EXOC6: variants seen among roughly 807,000 people sequenced by gnomAD.
EXOC6 encodes exocyst complex component 6, also known as SEC15-like 1.
In EXOC6, 60 loss-of-function variants were observed where a neutral mutation model predicts 112.5. The observed-to-expected ratio is 0.53, with a 90% CI of 0.43 to 0.66. The LOEUF (loss-of-function observed/expected upper bound fraction) is 0.66. Ranked by LOEUF, EXOC6 falls within the 30% of genes least tolerant of loss-of-function variation. The pLI is 0.00. For synonymous variants in EXOC6, 295 were observed against 308.0 expected (o/e 0.96, Z 0.44); for missense variants, 855 against 957.1 (o/e 0.89, Z 1.41).
rs554013208 is a variant in EXOC6 at position 92,835,160 on chromosome 10, G to A, written c.86+336G>A. Among the ~76,000 whole-genome samples, 3 of 152,230 alleles carry A rather than the reference G, an allele frequency of 2.0e-5. No individual in the cohort carries two copies. The South Asian group carries it at 6.2e-4, about 32-fold the overall frequency. ...TAGTGAAAAACATTCAGAACAATTA[G>A]ACATATCAATGAAGCCAATTTACAT... On this transcript the variant is annotated intron_variant, in intron 1 of 21. Coordinates refer to the EXOC6 transcript ENST00000371552.
At chr10:92,985,243 CTTCAG>C (rs1427170816) in intron 18 of EXOC6, among the ~76,000 whole-genome samples, 1 of 152,036 alleles carries the variant, frequency 6.6e-6, no homozygotes, top group Non-Finnish European at 1.5e-5. Flanking sequence ...TTTCAGAAAT[CTTCAG>C]TTATTTTCCC....
At chr10:93,017,386 A>G (rs886144792) in intron 20 of EXOC6, among the ~76,000 whole-genome samples, 1 of 149,410 alleles carries the variant, frequency 6.7e-6, no homozygotes, top group Non-Finnish European at 1.5e-5. Context: ...GTCAGGAGAT[A>G]GAAACCATCC....
In EXOC6 at chr10:93,013,836, A is replaced by G. The variant is rs1461648907; in HGVS notation, c.2096-358A>G. ...ATATGTTGACAGCCATGGAATTGGTATCATTTTTAAATGCTTCTACAATCG... is the reference window on the plus strand; with the variant it reads ...ATATGTTGACAGCCATGGAATTGGTGTCATTTTTAAATGCTTCTACAATCG... On this transcript the variant is annotated intron_variant, in intron 19 of 21. Transcript: ENST00000260762. Among the ~76,000 whole-genome samples the G allele has an allele frequency of 2.6e-5, 4 of 152,208 alleles. No individual in the cohort carries two copies. In the South Asian group the frequency reaches 6.2e-4, roughly 24 times the overall value.
intron 18 of EXOC6, among the ~76,000 whole-genome samples, chr10:92,977,043 C>T (rs770271726): frequency 2.8e-4 from 42 of 152,180 alleles, no homozygotes; most frequent in Non-Finnish European, 5.1e-4. Context: ...ACCTTTTTAT[C>T]TTATGATACG....
At chr10:92,979,679 C>G (rs1452604297) in intron 18 of EXOC6, among the ~76,000 whole-genome samples, 1 of 151,988 alleles carries the variant, frequency 6.6e-6, no homozygotes, top group Non-Finnish European at 1.5e-5. Context: ...CTGGTAATCC[C>G]AACACTTTGG....
chr10:92,951,834 ATCAAGCCT>A (rs1275758343), intron 14 of EXOC6, among the ~76,000 whole-genome samples: 1 of 152,218 alleles, frequency 6.6e-6, no homozygotes, highest in Non-Finnish European at 1.5e-5. Context: ...TTGAATTGGC[ATCAAGCCT>A]TCACTGAAGG....
chr10:93,038,003 GCACTC>G (rs1470208588), intron 20 of EXOC6, among the ~76,000 whole-genome samples: 2 of 130,774 alleles, frequency 1.5e-5, no homozygotes, highest in Non-Finnish European at 3.1e-5. Flanking sequence ...TCGCGCCACT[GCACTC>G]CAGCCTGGGC....
At position 93,018,895 on chromosome 10, in the gene EXOC6, T is replaced by C. The variant is rs577223545; in HGVS notation, c.2169+4628T>C. 3.4e-4 allele frequency among the ~76,000 whole-genome samples: 51 copies of C among 151,928 alleles called. 1 individual carries two copies. In the East Asian group the frequency reaches 9.6e-3, roughly 29 times the overall value. ...AAATAAAAGACCCTGACAAATGCTC[T>C]TACATACAGGTGTCTGGTGACTTTG... On this transcript the variant is annotated intron_variant, in intron 20 of 21. Transcript: ENST00000260762.
Position 92,841,015 on chromosome 10 carries a change from T to C in EXOC6, c.86+6191T>C, listed in dbSNP as rs183810736. ...CTGTTTACAGTGTAGAATGATTAAA[T>C]CAAGCTAATTATTATATCTATCACC... is the stretch of plus-strand genomic sequence containing the variant. On this transcript the variant is annotated intron_variant, in intron 1 of 21. Transcript: ENST00000371552. Among the ~76,000 whole-genome samples, 279 of 152,314 alleles carry C rather than the reference T, an allele frequency of 1.8e-3. 2 individuals are homozygous for C. Among genetic ancestry groups the C allele is most frequent in the Admixed American group, 3.7e-3 (57 of 15,292 alleles).
At chr10:92,917,158 G>T (rs1851136231) in intron 7 of EXOC6, among the ~76,000 whole-genome samples, 1 of 151,812 alleles carries the variant, frequency 6.6e-6, no homozygotes, top group East Asian at 1.9e-4. Context: ...TTAGAGACGG[G>T]GTTTCACCAT....
intron 20 of EXOC6, among the ~76,000 whole-genome samples, chr10:93,037,507 T>G (rs182277655): frequency 5.3e-4 from 80 of 150,984 alleles, no homozygotes; most frequent in Non-Finnish European, 7.1e-4. Context: ...TGGTGTGATC[T>G]CAGTTCACTG....
Position 93,017,789 on chromosome 10 carries a change from A to T in EXOC6, c.2169+3522A>T, listed in dbSNP as rs1844600042. Among the ~76,000 whole-genome samples the T allele has an allele frequency of 2.0e-5, 3 of 152,262 alleles. No individual in the cohort carries two copies. The South Asian group carries it at 6.2e-4, about 32-fold the overall frequency. ...CACTTTGGGAGGCTGAGGTGGGCGG[A>T]TCATGAGGTCAGAAGGTCGAGACCG... is the stretch of plus-strand genomic sequence containing the variant. On this transcript the variant is annotated intron_variant, in intron 20 of 21. Coordinates refer to ENST00000260762, the MANE Select transcript of EXOC6 (RefSeq NM_019053.6).
rs1382074464 is a variant in EXOC6, at chr10:93,059,324, T to C, written c.*969T>C. The C allele has an allele frequency of 6.6e-6, 1 of 152,218 alleles. No individual in the cohort carries two copies. Among genetic ancestry groups the C allele is most frequent in the Non-Finnish European group, 1.5e-5 (1 of 68,036 alleles). The allele number at this position is 152,218 out of a possible 1,614,324, so 9.4% of individuals were successfully genotyped here. On this transcript the variant is annotated 3_prime_UTR_variant, in exon 22 of 22. Coordinates refer to ENST00000260762, the MANE Select transcript of EXOC6 (RefSeq NM_019053.6). ...GGTCCAAATGGCAATATAAATCCAG[T>C]CTTTATTCTCCCTTTGTTGTATTTA...
At chr10:92,948,536 G>A (rs1853175052) in intron 14 of EXOC6, among the ~76,000 whole-genome samples, 157 bp downstream of exon 14, 1 of 150,134 alleles carries the variant, frequency 6.7e-6, no homozygotes, top group East Asian at 1.9e-4. Flanking sequence ...GTTCTGTGAA[G>A]TTTTAAAGAG....
At chr10:92,828,051 G>T (rs1434040198) in intron 1 of EXOC6, among the ~76,000 whole-genome samples, 1 of 152,124 alleles carries the variant, frequency 6.6e-6, no homozygotes. Context: ...TTTCCTACCT[G>T]TTGCTAGTAT....
chr10:92,966,923 T>C (rs1374883326), intron 17 of EXOC6, among the ~76,000 whole-genome samples: 4 of 122,390 alleles, frequency 3.3e-5, no homozygotes, highest in Non-Finnish European at 6.6e-5. Context: ...AAAGTGTTCC[T>C]GTTTCTCCAC....
intron 1 of EXOC6, among the ~76,000 whole-genome samples, chr10:92,882,238 G>A (rs761860964): frequency 1.1e-4 from 16 of 151,988 alleles, no homozygotes; most frequent in Non-Finnish European, 2.2e-4. Flanking sequence ...CAAACCTTTT[G>A]TGCATTTAAG....
chr10:92,939,759 A>G (rs1363332894), intron 12 of EXOC6, among the ~76,000 whole-genome samples: 1 of 152,154 alleles, frequency 6.6e-6, no homozygotes, highest in Non-Finnish European at 1.5e-5. Flanking sequence ...AGGATTGTTC[A>G]TAGATGGAGA....
At chr10:92,939,459 A>G (rs1231506256) in intron 12 of EXOC6, among the ~76,000 whole-genome samples, 2 of 151,818 alleles carry the variant, frequency 1.3e-5, no homozygotes, top group African/African-American at 4.8e-5. Context: ...ATGGTTTTCT[A>G]GATTCTCTGT....
Sources: gnomAD v4.1 joint callset for allele counts (sites outside exome capture counted in the v4.1 genomes callset) on GRCh38, gnomAD v4.1.1 for gene constraint, MANE v1.5 for transcripts, NCBI Gene and HGNC (gene_info 2026-07-23, HGNC 2026-07-21) for gene names.